Variants in GLRA1 observed in about 807,000 individuals in gnomAD.
GLRA1 encodes the protein glycine receptor alpha 1.
GLRA1 carries 37 observed loss-of-function variants against 48.3 expected under a neutral mutation model. The observed-to-expected ratio is 0.77, with a 90% CI of 0.59 to 1.01. The LOEUF is 1.01. Ranked by LOEUF, GLRA1 falls within the 50% of genes least tolerant of loss-of-function variation. The pLI is 0.00. For synonymous variants in GLRA1, 196 were observed against 210.7 expected (o/e 0.93, Z 0.60); for missense variants, 427 against 571.0 (o/e 0.75, Z 2.57).
At chr5:151,908,354 CT>C (rs1754526666) in intron 1 of GLRA1, among the ~76,000 whole-genome samples, 1 of 152,176 alleles carries the variant, frequency 6.6e-6, no homozygotes, top group Admixed American at 6.5e-5. Context: ...TTGTTTCTTC[CT>C]CCTGTCATCA....
chr5:151,914,528 C>T (rs1754692061), intron 1 of GLRA1, among the ~76,000 whole-genome samples: 1 of 152,154 alleles, frequency 6.6e-6, no homozygotes, highest in Non-Finnish European at 1.5e-5. Context: ...TGTCTTTGGT[C>T]TGAGTATAAG....
chr5:151,830,226 A>C (rs1480067707), intron 7 of GLRA1, among the ~76,000 whole-genome samples: 2 of 152,290 alleles, frequency 1.3e-5, no homozygotes, highest in Admixed American at 6.5e-5. Flanking sequence ...TCATCATTTG[A>C]TATATCTCAT....
intron 3 of GLRA1, among the ~76,000 whole-genome samples, chr5:151,870,942 TC>T (rs955153373): frequency 2.7e-5 from 4 of 149,850 alleles, no homozygotes; most frequent in Non-Finnish European, 4.4e-5. Context: ...CAGTTTGATT[TC>T]CCCACTTCAG....
chr5:151,887,698 A>G (rs1019882189), intron 2 of GLRA1, among the ~76,000 whole-genome samples: 1 of 152,218 alleles, frequency 6.6e-6, no homozygotes, highest in Non-Finnish European at 1.5e-5. Context: ...ACAGGTTTAG[A>G]GGAAGGAAGG....
intron 7 of GLRA1, chr5:151,850,787 A>T (rs1229663560): frequency 7.8e-6 from 7 of 900,624 alleles, no homozygotes; most frequent in Non-Finnish European, 1.1e-5. Context: ...TTCCAGTACA[A>T]AAACTAAGTG....
chr5:151,866,640 G>T (rs1038273237), intron 3 of GLRA1, among the ~76,000 whole-genome samples: 1 of 152,016 alleles, frequency 6.6e-6, no homozygotes, highest in Admixed American at 6.6e-5. Flanking sequence ...ATCTCATCTC[G>T]AAACTCAATC....
At chr5:151,837,895 C>T (rs560422754) in intron 7 of GLRA1, among the ~76,000 whole-genome samples, 15 of 152,170 alleles carry the variant, frequency 9.9e-5, no homozygotes, top group East Asian at 1.9e-4. Context: ...ACCACCATGA[C>T]GTGTGTATAC....
chr5:151,878,232 T>C (rs1199228786), intron 3 of GLRA1, among the ~76,000 whole-genome samples: 6 of 152,150 alleles, frequency 3.9e-5, no homozygotes, highest in African/African-American at 1.4e-4. Flanking sequence ...ACTGGCAGCA[T>C]TTTGCCCCTG....
chr5:151,899,627 G>C (rs982694739), intron 1 of GLRA1, among the ~76,000 whole-genome samples: 5 of 152,138 alleles, frequency 3.3e-5, no homozygotes, highest in African/African-American at 1.2e-4. Flanking sequence ...CCTCAGCTTT[G>C]TCTGAGTTGG....
At position 151,924,704 on chromosome 5, in the gene GLRA1, T is replaced by C. The variant is rs967833398; in HGVS notation, c.-155A>G. On this transcript the variant is annotated 5_prime_UTR_variant, in exon 1 of 9. Transcript: ENST00000274576. ...CGCGGAGGGAGAGCCCCAGGGGAAATTGGAGCGAGGGGGTCGTAGATACCA... is the reference window on the plus strand; with the variant it reads ...CGCGGAGGGAGAGCCCCAGGGGAAACTGGAGCGAGGGGGTCGTAGATACCA... 2.8e-6 allele frequency: 2 copies of C among 709,140 alleles called. No homozygotes were observed. Among genetic ancestry groups the C allele is most frequent in the South Asian group, 1.5e-5 (1 of 67,282 alleles). The allele number at this position is 709,140 out of a possible 1,614,324, so 43.9% of individuals were successfully genotyped here.
chr5:151,901,687 G>A (rs1754371595), intron 1 of GLRA1, among the ~76,000 whole-genome samples: 1 of 152,222 alleles, frequency 6.6e-6, no homozygotes, highest in Non-Finnish European at 1.5e-5. Context: ...AGTTTGCAAA[G>A]GCCTGGGAGT....
intron 7 of GLRA1, among the ~76,000 whole-genome samples, chr5:151,844,284 A>G (rs887866899): frequency 6.6e-6 from 1 of 152,100 alleles, no homozygotes; most frequent in African/African-American, 2.4e-5. Flanking sequence ...AAGAAAATAC[A>G]GGTATTAATC....
At chr5:151,843,871 G>A (rs1469504862) in intron 7 of GLRA1, among the ~76,000 whole-genome samples, 5 of 152,128 alleles carry the variant, frequency 3.3e-5, no homozygotes, top group African/African-American at 1.2e-4. Flanking sequence ...ATATTCACAC[G>A]TGAAAGAATG....
chr5:151,862,492 A>G (rs528207263), intron 3 of GLRA1, among the ~76,000 whole-genome samples: 3 of 152,352 alleles, frequency 2.0e-5, no homozygotes, highest in African/African-American at 7.2e-5. Context: ...CAGGCAACCT[A>G]CAGAATGGGA....
chr5:151,850,156 A>G (rs910860626), intron 7 of GLRA1: 2 of 1,603,610 alleles, frequency 1.2e-6, no homozygotes, highest in Non-Finnish European at 1.7e-6. Flanking sequence ...CAGGGTCCAT[A>G]TTACTGCAGT....
intron 3 of GLRA1, among the ~76,000 whole-genome samples, chr5:151,861,703 C>A (rs1753209465): frequency 6.6e-6 from 1 of 152,060 alleles, no homozygotes; most frequent in Admixed American, 6.6e-5. Flanking sequence ...GAATAAAATA[C>A]CTAGGAATCC....
intron 1 of GLRA1, among the ~76,000 whole-genome samples, chr5:151,893,545 T>A (rs1246773089): frequency 2.0e-5 from 3 of 152,046 alleles, no homozygotes; most frequent in African/African-American, 7.2e-5. Flanking sequence ...TTGTGTGATG[T>A]TCCCCTCCCT....
intron 7 of GLRA1, among the ~76,000 whole-genome samples, chr5:151,836,810 TA>T (rs1229151778): frequency 2.0e-5 from 3 of 152,154 alleles, no homozygotes; most frequent in African/African-American, 7.2e-5. Context: ...ATTGAGGACT[TA>T]AATGTAAGAC....
rs576020726 is a variant in GLRA1 at position 151,896,577 on chromosome 5, G to A, written c.57-4139C>T. On this transcript the variant is annotated intron_variant, in intron 1 of 8. Coordinates refer to ENST00000274576, the MANE Select transcript of GLRA1 (RefSeq NM_000171.4). ...AAGAAGAAATAGTTGTGAACTACCC[G>A]GTAATCCTCTGTTTTGTCAAGTGAT... 4.6e-5 allele frequency among the ~76,000 whole-genome samples: 7 copies of A among 152,190 alleles called. No individual in the cohort carries two copies. The South Asian group carries it at 6.2e-4, about 14-fold the overall frequency.
Sources: allele counts gnomAD v4.1 joint callset (sites outside exome capture counted in the v4.1 genomes callset), GRCh38; gene constraint gnomAD v4.1.1; transcripts MANE v1.5; gene names NCBI Gene and HGNC (gene_info 2026-07-23, HGNC 2026-07-21).